AMER3: variants seen among roughly 807,000 people sequenced by gnomAD.
The protein encoded by AMER3 is APC membrane recruitment protein 3, also known as family with sequence similarity 123C.
For missense variants in AMER3, 1,201 were observed against 1,139.4 expected (o/e 1.05, Z -0.78); for synonymous variants, 541 against 485.5 (o/e 1.11, Z -1.50).
Position 130,763,300 on chromosome 2 carries a change from G to T in AMER3, c.1228G>T (p.Ala410Ser). 6.2e-7 allele frequency: 1 copy of T among 1,613,710 alleles called. No individual in the cohort carries two copies. The highest frequency in any genetic ancestry group is 8.5e-7 in the Non-Finnish European group (1 of 1,180,032). Reference protein sequence around the residue: ...KEAESPGTPAATFPRDSYSGD... With the variant: ...KEAESPGTPASTFPRDSYSGD... ...AGCTGAGAGCCCAGGCACTCCTGCC[G>T]CCACCTTCCCACGGGACAGCTACAG... The change falls in exon 2 of 2, where the codon GCC becomes TCC. Residue 410 changes from alanine to serine, a missense_variant. Physicochemically the swap from Ala to Ser is moderately conservative, Grantham distance 99. Coordinates refer to ENST00000321420, the MANE Select transcript of AMER3 (RefSeq NM_152698.3).
chr2:130,763,820 A>T lies in AMER3; in HGVS notation c.1748A>T (p.Lys583Met). ...ACAGGCCTGCTCGCCGGAGAGAGCA[A>T]GGCCCTCGGAGGGGCCACACAAGGG... Reference protein sequence around the residue: ...GTTGLLAGESKALGGATQGTG... With the variant: ...GTTGLLAGESMALGGATQGTG... The change falls in exon 2 of 2, where the codon AAG becomes ATG. Residue 583 changes from lysine (K) to methionine (M), a missense_variant. Coordinates refer to ENST00000321420, the MANE Select transcript of AMER3 (RefSeq NM_152698.3). 6.2e-7 allele frequency: 1 copy of T among 1,612,928 alleles called. No homozygotes were observed. Among genetic ancestry groups the T allele is most frequent in the Non-Finnish European group, 8.5e-7 (1 of 1,179,878 alleles).
At position 130,763,426 on chromosome 2, in the gene AMER3, G is replaced by C; in HGVS notation, c.1354G>C (p.Ala452Pro). 6.2e-7 allele frequency: 1 copy of C among 1,613,002 alleles called. No homozygotes were observed. The highest frequency in any genetic ancestry group is 2.2e-5 in the East Asian group (1 of 44,868). ...LCVSESLSGP[A>P]LGTPLSICSF... is the part of the protein sequence containing the mutation. ...CGTGTCTGAGAGTCTGTCAGGGCCG[G>C]CCCTGGGGACGCCACTGTCCATATG... The change falls in exon 2 of 2, where the codon GCC becomes CCC. Residue 452 changes from alanine to proline, a missense_variant. By Grantham distance (27) the Ala-to-Pro change is conservative. Transcript: ENST00000321420.
Position 130,763,734 on chromosome 2 carries a change from AG to A in AMER3, c.1669del (p.Ala557ArgfsTer127), listed in dbSNP as rs756385870. On this transcript the variant is annotated frameshift_variant, in exon 2 of 2. Coordinates refer to ENST00000321420, the MANE Select transcript of AMER3 (RefSeq NM_152698.3). LOFTEE classifies it low-confidence loss of function (END_TRUNC). ...GCAGGGAGGGCCTGGCCTCAGATGC[AG>A]GGGGGGCGACAGTTTGCTCAGCACC... ...GGREGLASDA[G>X]GATVCSAPSR... is the part of the protein sequence containing the mutation. 21 of 1,580,016 alleles carry A rather than the reference AG, an allele frequency of 1.3e-5. No individual in the cohort carries two copies. Among genetic ancestry groups the A allele is most frequent in the Admixed American group, 1.8e-5 (1 of 55,214 alleles).
chr2:130,756,631 GC>G (rs1374384189), intron 1 of AMER3, among the ~76,000 whole-genome samples: 2 of 152,126 alleles, frequency 1.3e-5, no homozygotes, highest in African/African-American at 4.8e-5. Flanking sequence ...CTGAGGGAGA[GC>G]CAATATCGCT....
At chr2:130,756,133 GC>G (rs1478194168) in intron 1 of AMER3, among the ~76,000 whole-genome samples, 1 of 148,464 alleles carries the variant, frequency 6.7e-6, no homozygotes, top group Non-Finnish European at 1.5e-5. Flanking sequence ...CGGCCGGCGC[GC>G]CCCCTCGCCA....
chr2:130,763,709 G>T lies in AMER3; in HGVS notation c.1637G>T (p.Gly546Val). 9 of 1,557,946 alleles carry T rather than the reference G, an allele frequency of 5.8e-6. No individual in the cohort carries two copies. Among genetic ancestry groups the T allele is most frequent in the Non-Finnish European group, 7.8e-6 (9 of 1,155,968 alleles). Reference sequence around the variant, plus strand: ...AGGGCACCCACAGAGAAGCTGGGGGGCAGGGAGGGCCTGGCCTCAGATGCA... The same window carrying T: ...AGGGCACCCACAGAGAAGCTGGGGGTCAGGGAGGGCCTGGCCTCAGATGCA... ...APRAPTEKLG[G>V]REGLASDAGG... The change falls in exon 2 of 2, where the codon GGC becomes GTC. Residue 546 changes from glycine (G) to valine (V), a missense_variant. Transcript: ENST00000321420.
At position 130,760,622 on chromosome 2, in the gene AMER3, T is replaced by G. The variant is rs142046759; in HGVS notation, c.-19-1432T>G. 7.2e-3 allele frequency among the ~76,000 whole-genome samples: 1,089 copies of G among 152,010 alleles called. 15 individuals carry two copies. Among genetic ancestry groups the G allele is most frequent in the African/African-American group, 0.024 (1,008 of 41,454 alleles). ...TCTCTTCCTGGCCAGACTGACAGAG[T>G]ACTGACTGTCAGGCCACTCACTACC... On this transcript the variant is annotated intron_variant, in intron 1 of 1. Transcript: ENST00000321420.
chr2:130,758,320 C>T (rs2104773153), intron 1 of AMER3, among the ~76,000 whole-genome samples: 1 of 151,100 alleles, frequency 6.6e-6, no homozygotes, highest in South Asian at 2.1e-4. Flanking sequence ...GCCTTGATCA[C>T]ACCACTGCAC....
At position 130,762,640 on chromosome 2, in the gene AMER3, C is replaced by A. The variant is rs371566717; in HGVS notation, c.568C>A (p.Pro190Thr). 1 of 1,611,138 alleles carries A rather than the reference C, an allele frequency of 6.2e-7. No individual in the cohort carries two copies. The highest frequency in any genetic ancestry group is 8.5e-7 in the Non-Finnish European group (1 of 1,179,656). Reference protein sequence around the residue: ...EGKSLPSPGDPSDPGGRRSKA... With the variant: ...EGKSLPSPGDTSDPGGRRSKA... ...GAAAAGCCTGCCCTCCCCAGGGGAC[C>A]CGTCAGACCCTGGGGGGCGGCGAAG... The change falls in exon 2 of 2, where the codon CCG becomes ACG. Residue 190 changes from proline (P) to threonine (T), a missense_variant. Physicochemically the swap from Pro to Thr is conservative, Grantham distance 38. Coordinates refer to ENST00000321420, the MANE Select transcript of AMER3 (RefSeq NM_152698.3).
At position 130,763,778 on chromosome 2, in the gene AMER3, G is replaced by A; in HGVS notation, c.1706G>A (p.Trp569Ter). 1.2e-6 allele frequency: 2 copies of A among 1,604,522 alleles called. No homozygotes were observed. The highest frequency in any genetic ancestry group is 8.5e-7 in the Non-Finnish European group (1 of 1,175,348). ...TCAGCACCCAGCAGGCAGGAGCTGTGGGCACACCCGGGCACCACAGGCCTG... is the reference window on the plus strand; with the variant it reads ...TCAGCACCCAGCAGGCAGGAGCTGTAGGCACACCCGGGCACCACAGGCCTG... ...VCSAPSRQEL[W>*]AHPGTTGLLA... The change falls in exon 2 of 2, where the codon TGG becomes TAG. Residue 569 changes from tryptophan (W) to a stop codon, truncating the protein, a stop_gained. Transcript: ENST00000321420. LOFTEE classifies it low-confidence loss of function (END_TRUNC).
rs752902948 is a variant in AMER3, at chr2:130,762,846, C to A, written c.774C>A (p.Ser258Arg). 8.7e-6 allele frequency: 14 copies of A among 1,613,380 alleles called. No homozygotes were observed. Among genetic ancestry groups the A allele is most frequent in the Non-Finnish European group, 1.2e-5 (14 of 1,180,028 alleles). ...TGCGEVFADE[S>R]SVPSLELNEG... ...GTGGGGAGGTGTTCGCAGATGAGAG[C>A]TCGGTGCCATCTCTGGAGCTGAACG... is the stretch of plus-strand genomic sequence containing the variant. Residue 258 changes from serine to arginine, a missense_variant, in exon 2 of 2, where the codon AGC becomes AGA. Transcript: ENST00000321420.
chr2:130,758,699 G>A (rs1427107897), intron 1 of AMER3, among the ~76,000 whole-genome samples: 1 of 152,220 alleles, frequency 6.6e-6, no homozygotes. Context: ...GGTGGTTGCT[G>A]AGCCCTGCAG....
At chr2:130,756,008 G>A (rs1678592312) in intron 1 of AMER3, 1 of 152,214 alleles carries the variant, frequency 6.6e-6, no homozygotes, top group South Asian at 2.1e-4. Context: ...CAACCGGGTG[G>A]GAGGCAGAGA....
At chr2:130,757,284 T>G (rs970601249) in intron 1 of AMER3, among the ~76,000 whole-genome samples, 6 of 152,242 alleles carry the variant, frequency 3.9e-5, no homozygotes, top group Non-Finnish European at 7.3e-5. Context: ...AATCCATGTC[T>G]GTGTGTGCCG....
rs1200316162 is a variant in AMER3, at chr2:130,764,881, C to T, written c.*223C>T. The T allele has an allele frequency of 3.4e-6, 2 of 583,138 alleles. No individual in the cohort carries two copies. The highest frequency in any genetic ancestry group is 3.7e-5 in the African/African-American group (2 of 53,564). The allele number at this position is 583,138 out of a possible 1,614,324, so 36.1% of individuals were successfully genotyped here. A position where few individuals can be genotyped will look rare whatever the true frequency, so the allele number is the denominator to read the frequency against. On this transcript the variant is annotated 3_prime_UTR_variant, in exon 2 of 2. Transcript: ENST00000321420. ...GCCAAAGACAGCGCGAAGCTGCAAC[C>T]ACCTAGCTGCTCCTCATGCAGGGGC...
At position 130,765,391 on chromosome 2, in the gene AMER3, G is replaced by GC. The variant is rs1385091162; in HGVS notation, c.*734dup. 6.0e-6 allele frequency: 1 copy of GC among 166,918 alleles called. No individual in the cohort carries two copies. Among genetic ancestry groups the GC allele is most frequent in the East Asian group, 1.9e-4 (1 of 5,184 alleles). The allele number at this position is 166,918 out of a possible 1,614,324, so 10.3% of individuals were successfully genotyped here. On this transcript the variant is annotated 3_prime_UTR_variant, in exon 2 of 2. Coordinates refer to ENST00000321420, the MANE Select transcript of AMER3 (RefSeq NM_152698.3). The stretch of plus-strand genomic sequence containing the variant: ...TATGCTTGGTAATTGTGTGCACCTC[G>GC]CTTTATACTTGCAGTCATATCATGA...
chr2:130,759,029 C>T (rs1678702647), intron 1 of AMER3, among the ~76,000 whole-genome samples: 1 of 152,232 alleles, frequency 6.6e-6, no homozygotes, highest in African/African-American at 2.4e-5. Context: ...TTCCCACCCC[C>T]ATCATAGGTC....
rs1678824267 is a variant in AMER3, at chr2:130,762,602, T to A, written c.530T>A (p.Leu177Gln). ...AACAAGACTGAGGACTTGGCCTCGC[T>A]GGCGGCCGAGGGGAAAAGCCTGCCC... ...RRNKTEDLAS[L>Q]AAEGKSLPSP... is the part of the protein sequence containing the mutation. The change falls in exon 2 of 2, where the codon CTG becomes CAG. Residue 177 changes from leucine to glutamine, a missense_variant. Transcript: ENST00000321420. 6.2e-7 allele frequency: 1 copy of A among 1,612,874 alleles called. No homozygotes were observed. The highest frequency in any genetic ancestry group is 2.2e-5 in the East Asian group (1 of 44,862).
chr2:130,757,441 C>G (rs557910262), intron 1 of AMER3, among the ~76,000 whole-genome samples: 4 of 151,964 alleles, frequency 2.6e-5, no homozygotes, highest in Admixed American at 1.3e-4. Flanking sequence ...ATTGGCCCGT[C>G]ACTTGCCCTG....
Sources: gnomAD v4.1 joint callset for allele counts (sites outside exome capture counted in the v4.1 genomes callset) on GRCh38, gnomAD v4.1.1 for gene constraint, MANE v1.5 for transcripts, NCBI Gene and HGNC (gene_info 2026-07-23, HGNC 2026-07-21) for gene names.